PTPN4: variants seen among roughly 807,000 people sequenced by gnomAD.
PTPN4 encodes tyrosine-protein phosphatase non-receptor type 4.
PTPN4 carries 49 observed loss-of-function variants against 135.5 expected under a neutral mutation model. The observed-to-expected ratio is 0.36, with a 90% CI of 0.29 to 0.46. The LOEUF is 0.46. Among genes scored for constraint, PTPN4 ranks in the 20% least tolerant of loss-of-function variants. The pLI is 1.00. For synonymous variants in PTPN4, 333 were observed against 369.9 expected (o/e 0.90, Z 1.14); for missense variants, 860 against 1,101.0 (o/e 0.78, Z 3.10).
At chr2:119,966,549 C>T (rs955796156) in intron 25 of PTPN4, among the ~76,000 whole-genome samples, 1 of 152,142 alleles carries the variant, frequency 6.6e-6, no homozygotes, top group Non-Finnish European at 1.5e-5. Flanking sequence ...TGAGCCACCG[C>T]GCCTCACCGG....
chr2:119,853,639 A>G (rs1319345405), intron 2 of PTPN4, among the ~76,000 whole-genome samples: 2 of 152,168 alleles, frequency 1.3e-5, no homozygotes, highest in East Asian at 3.8e-4. Context: ...AACTGTGTTT[A>G]AGTATTTTTC....
chr2:119,778,622 G>A (rs1400444617), intron 1 of PTPN4, among the ~76,000 whole-genome samples: 1 of 152,004 alleles, frequency 6.6e-6, no homozygotes, highest in Non-Finnish European at 1.5e-5. Context: ...GTATAAATAG[G>A]ATATAGTGAG....
intron 2 of PTPN4, among the ~76,000 whole-genome samples, chr2:119,853,622 A>G (rs552332280): frequency 9.2e-5 from 14 of 152,282 alleles, no homozygotes; most frequent in South Asian, 2.1e-4. Flanking sequence ...TTTCCCCAAT[A>G]TAATATAACT....
chr2:119,847,329 T>TATATATATATA (rs59629850), intron 2 of PTPN4, among the ~76,000 whole-genome samples: 4 of 64,616 alleles, frequency 6.2e-5, no homozygotes, highest in South Asian at 4.5e-4. Context: ...TATATATATA[T>TATATATATATA]TTTTTTTTTT....
chr2:119,956,237 ATTT>A (rs10627020), intron 20 of PTPN4, among the ~76,000 whole-genome samples: 2,580 of 100,940 alleles, frequency 0.026, 54 homozygotes, highest in African/African-American at 0.088. Context: ...ATAAACCTGA[ATTT>A]TTTTTTTTTT....
At chr2:119,785,513 GTTATATA>G (rs1335038877) in intron 1 of PTPN4, among the ~76,000 whole-genome samples, 2 of 151,978 alleles carry the variant, frequency 1.3e-5, no homozygotes, top group South Asian at 2.1e-4. Context: ...TAAATATACT[GTTATATA>G]TTATATATTA....
At chr2:119,937,798 G>A (rs1679005262) in intron 15 of PTPN4, among the ~76,000 whole-genome samples, 1 of 152,050 alleles carries the variant, frequency 6.6e-6, no homozygotes, top group Admixed American at 6.5e-5. Context: ...AAGTGTGGTG[G>A]TGTGCACCTG....
At chr2:119,844,712 GCTC>G (rs1386930092) in intron 2 of PTPN4, among the ~76,000 whole-genome samples, 16 of 148,416 alleles carry the variant, frequency 1.1e-4, no homozygotes, top group African/African-American at 2.7e-4. Context: ...GGGAAGAGGC[GCTC>G]CTCACTTCCT....
chr2:119,818,584 T>C (rs1677022102), intron 2 of PTPN4, among the ~76,000 whole-genome samples: 2 of 152,202 alleles, frequency 1.3e-5, no homozygotes, highest in African/African-American at 4.8e-5. Flanking sequence ...CCTCTGTTTG[T>C]TTTTAAAGAG....
Position 119,814,233 on chromosome 2 carries a change from T to C in PTPN4, c.138+4242T>C, listed in dbSNP as rs79545470. ...GAAGGGATTGGAGAGGACTTACCTA[T>C]TCACTATGTAGATTTTTTCTTATTA... On this transcript the variant is annotated intron_variant, in intron 2 of 26. Transcript: ENST00000263708. Among the ~76,000 whole-genome samples, 3 of 152,316 alleles carry C rather than the reference T, an allele frequency of 2.0e-5. No individual in the cohort carries two copies. In the East Asian group the frequency reaches 5.8e-4, roughly 29 times the overall value.
intron 1 of PTPN4, among the ~76,000 whole-genome samples, chr2:119,767,964 G>A (rs1690664500): frequency 1.3e-5 from 2 of 152,180 alleles, no homozygotes; most frequent in East Asian, 3.9e-4. Context: ...GCTGAAGGCT[G>A]TAACCACGAG....
chr2:119,849,984 A>G (rs963170536), intron 2 of PTPN4, among the ~76,000 whole-genome samples: 1 of 152,190 alleles, frequency 6.6e-6, no homozygotes, highest in Non-Finnish European at 1.5e-5. Context: ...CTTGAGGCCA[A>G]TCTTTGATGT....
chr2:119,933,965 C>T (rs898832353), intron 14 of PTPN4, among the ~76,000 whole-genome samples: 1 of 152,126 alleles, frequency 6.6e-6, no homozygotes, highest in African/African-American at 2.4e-5. Flanking sequence ...AGCCATTTCT[C>T]CATTTGTACC....
At chr2:119,828,674 T>C (rs1233734274) in intron 2 of PTPN4, among the ~76,000 whole-genome samples, 1 of 152,234 alleles carries the variant, frequency 6.6e-6, no homozygotes, top group Admixed American at 6.5e-5. Context: ...ACTGCATTTG[T>C]CCCACATCTT....
intron 10 of PTPN4, among the ~76,000 whole-genome samples, chr2:119,905,655 G>C (rs1157392776): frequency 6.6e-6 from 1 of 152,174 alleles, no homozygotes; most frequent in Non-Finnish European, 1.5e-5. Context: ...AACAGCTGCA[G>C]AATATGCATT....
intron 1 of PTPN4, among the ~76,000 whole-genome samples, chr2:119,767,674 C>T (rs1339652510): frequency 6.6e-6 from 1 of 152,150 alleles, no homozygotes; most frequent in East Asian, 1.9e-4. Context: ...GAGCAGAGTC[C>T]TTTTTTTCTG....
At chr2:119,927,113 CT>C (rs35553909) in intron 13 of PTPN4, among the ~76,000 whole-genome samples, 2,891 of 122,758 alleles carry the variant, frequency 0.024, 9 homozygotes, top group Non-Finnish European at 0.032. Context: ...AGCCAATTTG[CT>C]TTTTTTTTTT....
intron 10 of PTPN4, among the ~76,000 whole-genome samples, chr2:119,901,460 G>A (rs533727662): frequency 2.6e-5 from 4 of 152,246 alleles, no homozygotes; most frequent in East Asian, 1.9e-4. Flanking sequence ...TGACACCTAC[G>A]GTTTGTACAC....
At chr2:119,918,998 A>G (rs1438782933) in intron 11 of PTPN4, among the ~76,000 whole-genome samples, 2 of 152,254 alleles carry the variant, frequency 1.3e-5, no homozygotes, top group Non-Finnish European at 2.9e-5. Flanking sequence ...ATGTATGTAC[A>G]ATAAAGTTCA....
Sources: gnomAD v4.1 joint callset for allele counts (sites outside exome capture counted in the v4.1 genomes callset) on GRCh38, gnomAD v4.1.1 for gene constraint, MANE v1.5 for transcripts, NCBI Gene and HGNC (gene_info 2026-07-23, HGNC 2026-07-21) for gene names.